NBAS: variants seen among roughly 807,000 people sequenced by gnomAD.
The protein encoded by NBAS is NAG/BC035112 fusion.
NBAS carries 219 observed loss-of-function variants against 302.5 expected under a neutral mutation model. The ratio of observed to expected loss-of-function variants is 0.72; its 90% CI spans 0.65 to 0.81. The LOEUF (loss-of-function observed/expected upper bound fraction) is 0.81, where lower values mean the gene tolerates loss of function less well. NBAS is among the 30% of genes least tolerant of loss of function. The pLI is 0.00. For missense variants in NBAS, 2,932 were observed against 2,841.6 expected, an observed-to-expected ratio of 1.03 and a Z score of -0.72; for synonymous variants, 1,118 against 1,021.6, an observed-to-expected ratio of 1.09 and a Z score of -1.80.
chr2:15,032,410 T>C, the NBAS span, among the ~76,000 whole-genome samples: 1 of 152,204 alleles, frequency 6.6e-6, no homozygotes, highest in African/African-American at 2.4e-5. Context: ...ACATGGCAAA[T>C]AACTTTGCCC....
At chr2:15,419,403 G>A (rs1677103554) in intron 23 of NBAS, among the ~76,000 whole-genome samples, 1 of 151,510 alleles carries the variant, frequency 6.6e-6, no homozygotes, top group African/African-American at 2.4e-5. Context: ...GTGTGTGTAT[G>A]AGTGTGTGTG....
chr2:14,828,192 TA>T, the NBAS span, among the ~76,000 whole-genome samples: 1 of 152,088 alleles, frequency 6.6e-6, no homozygotes, highest in East Asian at 1.9e-4. Context: ...AAAAAATAGA[TA>T]ATAAATAAAC....
At chr2:15,001,950 G>A in the NBAS span, among the ~76,000 whole-genome samples, 2 of 152,192 alleles carry the variant, frequency 1.3e-5, no homozygotes, top group East Asian at 1.9e-4. Context: ...CTGCTGGCTC[G>A]GGCAGCCTGC....
At chr2:15,144,219 T>C in the NBAS span, among the ~76,000 whole-genome samples, 6 of 151,608 alleles carry the variant, frequency 4.0e-5, no homozygotes, top group African/African-American at 7.3e-5. Flanking sequence ...ATTCCACAAA[T>C]TGTGTAGCAT....
chr2:15,229,584 C>A (rs1452034745), intron 47 of NBAS, among the ~76,000 whole-genome samples: 1 of 151,628 alleles, frequency 6.6e-6, no homozygotes, highest in East Asian at 2.0e-4. Flanking sequence ...GAGTTTGAGA[C>A]CAGACTGACC....
At chr2:15,350,587 T>C (rs914379829) in intron 35 of NBAS, among the ~76,000 whole-genome samples, 1 of 152,158 alleles carries the variant, frequency 6.6e-6, no homozygotes, top group African/African-American at 2.4e-5. Context: ...CTTCCTCCTT[T>C]GTCTCCCAGG....
intron 44 of NBAS, among the ~76,000 whole-genome samples, chr2:15,241,362 G>A (rs965501607): frequency 1.3e-5 from 2 of 152,202 alleles, no homozygotes; most frequent in Non-Finnish European, 2.9e-5. Context: ...CACATGGGCA[G>A]GAAGTAGGGT....
the NBAS span, among the ~76,000 whole-genome samples, chr2:14,809,058 T>C: frequency 6.6e-6 from 1 of 152,180 alleles, no homozygotes; most frequent in African/African-American, 2.4e-5. Flanking sequence ...CAGCAAAGCA[T>C]TCAAGATGTG....
At chr2:14,794,072 A>G in the NBAS span, among the ~76,000 whole-genome samples, 2 of 152,206 alleles carry the variant, frequency 1.3e-5, no homozygotes, top group Non-Finnish European at 2.9e-5. Flanking sequence ...TTCAAACAGA[A>G]AGAAATGATT....
the NBAS span, among the ~76,000 whole-genome samples, chr2:15,021,951 T>C: frequency 6.6e-6 from 1 of 152,104 alleles, no homozygotes; most frequent in East Asian, 1.9e-4. Flanking sequence ...AAATGGAGAA[T>C]TGTAGGCAGA....
rs140727432 is a variant in NBAS at position 15,530,000 on chromosome 2, C to T, written c.746+4543G>A. On this transcript the variant is annotated intron_variant, in intron 9 of 51. Coordinates refer to ENST00000281513, the MANE Select transcript of NBAS (RefSeq NM_015909.4). ...ACCTCTAACTTCACATATCAACATT[C>T]AACTATATCCAAAATAAAACACAAG... Among the ~76,000 whole-genome samples, 1,350 of 152,198 alleles carry T rather than the reference C, an allele frequency of 8.9e-3. 26 individuals are homozygous for T. Among genetic ancestry groups the T allele is most frequent in the African/African-American group, 0.031 (1,303 of 41,532 alleles).
the NBAS span, among the ~76,000 whole-genome samples, chr2:14,803,327 C>G: frequency 6.6e-6 from 1 of 152,182 alleles, no homozygotes; most frequent in Non-Finnish European, 1.5e-5. Context: ...CTGATTACTA[C>G]TTAGCTGAAT....
At chr2:15,439,038 G>C (rs1220322432) in intron 21 of NBAS, among the ~76,000 whole-genome samples, 1 of 152,150 alleles carries the variant, frequency 6.6e-6, no homozygotes, top group African/African-American at 2.4e-5. Flanking sequence ...GCTCATGCCT[G>C]TAATCCCAGC....
intron 38 of NBAS, among the ~76,000 whole-genome samples, chr2:15,320,875 A>T (rs1435869744): frequency 6.6e-6 from 1 of 152,206 alleles, no homozygotes; most frequent in East Asian, 1.9e-4. Flanking sequence ...GACTTTCTTC[A>T]TAGAATTGGA....
At chr2:15,513,421 A>G (rs1056354757) in intron 9 of NBAS, among the ~76,000 whole-genome samples, 2 of 152,214 alleles carry the variant, frequency 1.3e-5, no homozygotes, top group Non-Finnish European at 2.9e-5. Flanking sequence ...AAATGATTCT[A>G]TTACAGTAAA....
the NBAS span, among the ~76,000 whole-genome samples, chr2:15,106,053 A>T: frequency 6.6e-6 from 1 of 152,158 alleles, no homozygotes; most frequent in Non-Finnish European, 1.5e-5. Context: ...TTAAAAGTTA[A>T]ATCAGTCGAT....
chr2:15,256,774 G>A (rs189270259), intron 44 of NBAS, among the ~76,000 whole-genome samples: 7 of 152,254 alleles, frequency 4.6e-5, no homozygotes, highest in Non-Finnish European at 5.9e-5. Context: ...AAGGGATGCT[G>A]GATTTTGTCA....
chr2:14,810,391 A>G, the NBAS span, among the ~76,000 whole-genome samples: 1 of 152,204 alleles, frequency 6.6e-6, no homozygotes, highest in African/African-American at 2.4e-5. Context: ...AAGTCTCACA[A>G]GATCTGATGG....
Position 15,393,582 on chromosome 2 carries a change from C to T in NBAS, c.3257+645G>A, listed in dbSNP as rs116124334. On this transcript the variant is annotated intron_variant, in intron 28 of 51. Transcript: ENST00000281513. ...CTATTCACTTACCAAATGATCCTGC[C>T]ATTTCATCCTTAGGTATTTGTCTGA... 4.2e-3 allele frequency: 1,733 copies of T among 414,380 alleles called. 26 individuals are homozygous for T. Among genetic ancestry groups the T allele is most frequent in the African/African-American group, 0.022 (1,053 of 47,782 alleles). The allele number at this position is 414,380 out of a possible 1,614,324, so 25.7% of individuals were successfully genotyped here.
Sources: allele counts gnomAD v4.1 joint callset (sites outside exome capture counted in the v4.1 genomes callset), GRCh38; gene constraint gnomAD v4.1.1; transcripts MANE v1.5; gene names NCBI Gene and HGNC (gene_info 2026-07-23, HGNC 2026-07-21).